Variants in CABP1 observed in about 807,000 individuals in gnomAD.
CABP1 encodes calcium-binding protein 1.
Under a neutral mutation model 34.3 loss-of-function variants are expected in CABP1, and 17 were observed. The ratio of observed to expected loss-of-function variants is 0.50; its 90% CI spans 0.34 to 0.74. The LOEUF (loss-of-function observed/expected upper bound fraction) is 0.74. Among genes scored for constraint, CABP1 ranks in the 30% least tolerant of loss-of-function variants. The pLI is 0.01. For synonymous variants in CABP1, 198 were observed against 229.2 expected (o/e 0.86, Z 1.23); for missense variants, 373 against 511.1 (o/e 0.73, Z 2.61).
chr12:120,650,825 C>A, intron 1 of CABP1: 1 of 803,780 alleles, frequency 1.2e-6, no homozygotes. Flanking sequence ...CTGCTTCTAC[C>A]CCAAACACCC....
intron 1 of CABP1, chr12:120,650,238 G>C (rs570712938): frequency 5.7e-6 from 1 of 175,500 alleles, no homozygotes; most frequent in South Asian, 1.7e-4. Flanking sequence ...GCCGAGAGAA[G>C]GGGAGAGAAC....
At chr12:120,667,572 T>G (rs1881084894), downstream of CABP1, among the ~76,000 whole-genome samples, 1 of 152,172 alleles carries the variant, frequency 6.6e-6, no homozygotes, top group African/African-American at 2.4e-5. Flanking sequence ...CACTGTAACC[T>G]CTGCTTCCCA....
intron 1 of CABP1, chr12:120,650,386 A>G: frequency 9.6e-7 from 1 of 1,039,944 alleles, no homozygotes; most frequent in Non-Finnish European, 1.3e-6. Flanking sequence ...TCCTTAAGAA[A>G]GTGCCCAGAA....
At chr12:120,647,161 T>C (rs776555419) in intron 1 of CABP1, among the ~76,000 whole-genome samples, 2 of 152,066 alleles carry the variant, frequency 1.3e-5, no homozygotes, top group East Asian at 1.9e-4. Flanking sequence ...GCTGAATAAA[T>C]GGATGCCACG....
In CABP1 at chr12:120,666,878, T is replaced by C; in HGVS notation, c.1091T>C (p.Phe364Ser). 1 of 1,606,590 alleles carries C rather than the reference T, an allele frequency of 6.2e-7. No homozygotes were observed. Among genetic ancestry groups the C allele is most frequent in the Non-Finnish European group, 8.5e-7 (1 of 1,178,810 alleles). The stretch of plus-strand genomic sequence containing the variant: ...AGCTGCTCCTCTACCCTTCTAGAGT[T>C]TGTCCGGATGATGTCCCGCTGAGGC... Reference protein sequence around the residue: ...NGDGRVDFEEFVRMMSR With the variant: ...NGDGRVDFEESVRMMSR Residue 364 changes from phenylalanine (F) to serine (S), a missense_variant, in exon 6 of 6, where the codon TTT becomes TCT. By Grantham distance (155) the Phe-to-Ser change is radical. Transcript: ENST00000316803.
At chr12:120,680,195 A>G in the CABP1 span, among the ~76,000 whole-genome samples, 1 of 152,212 alleles carries the variant, frequency 6.6e-6, no homozygotes, top group South Asian at 2.1e-4. Flanking sequence ...ATTCTCTTCC[A>G]TGTCGTCTGC....
At chr12:120,656,298 C>T (rs189707309) in intron 1 of CABP1, 37 of 1,514,170 alleles carry the variant, frequency 2.4e-5, no homozygotes, top group East Asian at 1.6e-4. Context: ...CAGTGGAGCC[C>T]GCTGAACTTG....
chr12:120,667,097 G>C lies in CABP1; in HGVS notation c.*197G>C. 3 of 633,380 alleles carry C rather than the reference G, an allele frequency of 4.7e-6. No individual in the cohort carries two copies. The South Asian group carries it at 6.0e-5, about 13-fold the overall frequency. 39.2% of individuals were successfully genotyped at this position (633,380 alleles called of 1,614,324 possible). Reference sequence around the variant, plus strand: ...AGACTAACTCCTGCAACTGGAAAGCGGGGGCGCCCGCCGACGAGGAGGCCA... The same window carrying C: ...AGACTAACTCCTGCAACTGGAAAGCCGGGGCGCCCGCCGACGAGGAGGCCA... On this transcript the variant is annotated 3_prime_UTR_variant, in exon 6 of 6. Transcript: ENST00000316803.
downstream of CABP1, among the ~76,000 whole-genome samples, chr12:120,668,223 G>A (rs992313948): frequency 4.6e-5 from 7 of 152,216 alleles, no homozygotes; most frequent in East Asian, 9.6e-4. Context: ...CTGGCTGCGC[G>A]CCGTGGCTCA....
intron 1 of CABP1, among the ~76,000 whole-genome samples, chr12:120,647,333 G>A (rs1879583727): frequency 6.6e-6 from 1 of 151,874 alleles, no homozygotes; most frequent in Non-Finnish European, 1.5e-5. Context: ...AACTGAAGCC[G>A]AGAAAGATCA....
intron 1 of CABP1, chr12:120,650,482 C>G: frequency 6.7e-7 from 1 of 1,501,764 alleles, no homozygotes; most frequent in Non-Finnish European, 8.8e-7. Context: ...AGTAAGAGAG[C>G]ACGCGCGCAA....
chr12:120,660,152 C>T lies in CABP1; in HGVS notation c.686-44C>T, dbSNP rs569537509. ...GCTGCCTTTGCCCACAGAGGCTCTG[C>T]GGGTCCTACCCCTGACCACATCCAC... On this transcript the variant is annotated intron_variant, in intron 2 of 5. Transcript: ENST00000316803. The surrounding 1 kb of genome is among the most constrained non-coding windows in gnomAD (Gnocchi z 5.0). The T allele has an allele frequency of 2.1e-5, 33 of 1,608,750 alleles. No individual in the cohort carries two copies. The highest frequency in any genetic ancestry group is 5.5e-5 in the South Asian group (5 of 90,450).
chr12:120,654,203 A>C (rs560797227), intron 1 of CABP1, among the ~76,000 whole-genome samples: 1 of 152,058 alleles, frequency 6.6e-6, no homozygotes, highest in African/African-American at 2.4e-5. Flanking sequence ...CATTTATTGC[A>C]CTCATCAAAC....
At position 120,640,802 on chromosome 12, in the gene CABP1, GCCGCGCCGCA is replaced by G. The variant is rs1879278972; in HGVS notation, c.127_136del (p.Thr43ProfsTer13). 9.1e-7 allele frequency: 1 copy of G among 1,103,856 alleles called. No homozygotes were observed. Among genetic ancestry groups the G allele is most frequent in the African/African-American group, 1.7e-5 (1 of 59,546 alleles). 68.4% of individuals were successfully genotyped at this position (1,103,856 alleles called of 1,614,324 possible). On this transcript the variant is annotated frameshift_variant, in exon 1 of 6. Transcript: ENST00000316803. LOFTEE classifies it high-confidence loss of function. The surrounding 1 kb of genome is among the most constrained non-coding windows in gnomAD (Gnocchi z 6.2). ...GTTCTCTGCCCGCCGGGGGCCCCGC[GCCGCGCCGCA>G]CCGCGCCGCCCCCGCCGGGCCATGC... is the stretch of plus-strand genomic sequence containing the variant.
the CABP1 span, among the ~76,000 whole-genome samples, chr12:120,673,586 T>C: frequency 6.6e-6 from 1 of 151,424 alleles, no homozygotes; most frequent in African/African-American, 2.4e-5. Flanking sequence ...AGACTCCATC[T>C]CAAAAAAAAG....
intron 1 of CABP1, among the ~76,000 whole-genome samples, chr12:120,644,630 T>G (rs1268919418): frequency 2.6e-5 from 4 of 152,244 alleles, no homozygotes; most frequent in Non-Finnish European, 4.4e-5. Flanking sequence ...CCCACAGCTC[T>G]GTCCCATCCT....
chr12:120,669,248 T>C (rs1338889477), downstream of CABP1, among the ~76,000 whole-genome samples: 1 of 152,180 alleles, frequency 6.6e-6, no homozygotes, highest in Non-Finnish European at 1.5e-5. Context: ...CCGAGGTCAG[T>C]GGGGCTGGGA....
In CABP1 at chr12:120,667,086, A is replaced by T. The variant is rs1881048584; in HGVS notation, c.*186A>T. 3.1e-6 allele frequency: 2 copies of T among 647,916 alleles called. No homozygotes were observed. The highest frequency in any genetic ancestry group is 2.1e-5 in the African/African-American group (1 of 48,638). The allele number at this position is 647,916 out of a possible 1,614,324, so 40.1% of individuals were successfully genotyped here. ...CGCACTGTGAAAGACTAACTCCTGC[A>T]ACTGGAAAGCGGGGGCGCCCGCCGA... is the stretch of plus-strand genomic sequence containing the variant. On this transcript the variant is annotated 3_prime_UTR_variant, in exon 6 of 6. Coordinates refer to ENST00000316803, the MANE Select transcript of CABP1 (RefSeq NM_001033677.2).
downstream of CABP1, among the ~76,000 whole-genome samples, chr12:120,668,368 A>G (rs1881121081): frequency 6.6e-6 from 1 of 152,156 alleles, no homozygotes; most frequent in Non-Finnish European, 1.5e-5. Context: ...GCATGCACCT[A>G]GAGTCCCAGC....
Sources: gnomAD v4.1 joint callset for allele counts (sites outside exome capture counted in the v4.1 genomes callset) on GRCh38, gnomAD v4.1.1 for gene constraint, Gnocchi (gnomAD v3.1) non-coding constraint, MANE v1.5 for transcripts, NCBI Gene and HGNC (gene_info 2026-07-23, HGNC 2026-07-21) for gene names.